SLC24A4: variants seen among roughly 807,000 people sequenced by gnomAD.
SLC24A4 encodes solute carrier family 24 member 4.
SLC24A4 carries 53 observed loss-of-function variants against 79.0 expected under a neutral mutation model. The observed-to-expected ratio is 0.67, with a 90% confidence interval of 0.54 to 0.84. The LOEUF (loss-of-function observed/expected upper bound fraction) is 0.84, where lower values mean the gene tolerates loss of function less well. Among genes scored for constraint, SLC24A4 ranks in the 40% least tolerant of loss-of-function variants. The probability of loss-of-function intolerance (pLI) is 0.00; values close to 1 mark genes in which losing one functional copy is unlikely to be tolerated. For missense variants in SLC24A4, 731 were observed against 822.0 expected (o/e 0.89, Z 1.35); for synonymous variants, 323 against 323.8 (o/e 1.00, Z 0.03).
chr14:92,366,852 C>T (rs183035880), intron 2 of SLC24A4, among the ~76,000 whole-genome samples: 41 of 152,238 alleles, frequency 2.7e-4, no homozygotes, highest in Admixed American at 1.8e-3. Flanking sequence ...GGGGTGATTA[C>T]GTCCATTTCT....
chr14:92,335,292 A>G (rs958394713), intron 2 of SLC24A4, among the ~76,000 whole-genome samples: 1 of 152,070 alleles, frequency 6.6e-6, no homozygotes, highest in African/African-American at 2.4e-5. Flanking sequence ...ACTAATGTCC[A>G]CCTTTTACAT....
chr14:92,333,310 G>T (rs1292362121), intron 2 of SLC24A4, among the ~76,000 whole-genome samples: 1 of 152,036 alleles, frequency 6.6e-6, no homozygotes, highest in East Asian at 1.9e-4. Flanking sequence ...GGCCAGCCTG[G>T]TCTCGAACTC....
intron 16 of SLC24A4, chr14:92,492,938 G>A (rs79685763): frequency 0.17 from 74,287 of 432,518 alleles, 8,027 homozygotes; most frequent in East Asian, 0.31. Flanking sequence ...AGATAATTCC[G>A]TGCTTTAACC....
intron 2 of SLC24A4, among the ~76,000 whole-genome samples, chr14:92,374,799 T>G (rs1888411710): frequency 6.6e-6 from 1 of 152,242 alleles, no homozygotes; most frequent in Non-Finnish European, 1.5e-5. Flanking sequence ...GGGTGCAATA[T>G]TTTGCAATTT....
chr14:92,326,404 A>C (rs12434089), intron 2 of SLC24A4, among the ~76,000 whole-genome samples: 9,816 of 152,154 alleles, frequency 0.065, 396 homozygotes, highest in Middle Eastern at 0.13. Flanking sequence ...TCTCAGCATG[A>C]CCGGGCAGCT....
chr14:92,369,325 T>C (rs1434293581), intron 2 of SLC24A4, among the ~76,000 whole-genome samples: 1 of 152,206 alleles, frequency 6.6e-6, no homozygotes, highest in Admixed American at 6.5e-5. Context: ...AGAATTTGCA[T>C]TATTTATGTA....
At chr14:92,396,571 G>A (rs1462337534) in intron 2 of SLC24A4, among the ~76,000 whole-genome samples, 1 of 152,180 alleles carries the variant, frequency 6.6e-6, no homozygotes, top group East Asian at 1.9e-4. Context: ...TGGAACCTAC[G>A]AATGTGACTT....
Position 92,461,664 on chromosome 14 carries a change from A to G in SLC24A4, c.1255+5056A>G, listed in dbSNP as rs565483792. ...ATTACCTCCTAAAAGCTCTATCTCC[A>G]AATACAGTTACATTGGGGGTTAGGA... is the stretch of plus-strand genomic sequence containing the variant. On this transcript the variant is annotated intron_variant, in intron 12 of 16. Coordinates refer to ENST00000532405, the MANE Select transcript of SLC24A4 (RefSeq NM_153646.4). Among the ~76,000 whole-genome samples the G allele has an allele frequency of 1.2e-4, 18 of 152,290 alleles. No homozygotes were observed. In the East Asian group the frequency reaches 3.5e-3, roughly 29 times the overall value.
rs1161080736 is a variant in SLC24A4, at chr14:92,474,797, A to G, written c.1256-7883A>G. ...TGTGTATATATATGTGTGTGTGTAT[A>G]TATATACATATATACATATATATAC... On this transcript the variant is annotated intron_variant, in intron 12 of 16. Transcript: ENST00000532405. 7.0e-4 allele frequency among the ~76,000 whole-genome samples: 28 copies of G among 40,164 alleles called. No homozygotes were observed. The South Asian group carries it at 7.9e-3, about 11-fold the overall frequency. 26.3% of individuals were successfully genotyped at this position (40,164 alleles called of 152,430 possible).
At chr14:92,429,997 C>T (rs1327874997) in intron 2 of SLC24A4, among the ~76,000 whole-genome samples, 9 of 152,212 alleles carry the variant, frequency 5.9e-5, no homozygotes, top group South Asian at 2.1e-4. Context: ...GTCTCTTGGT[C>T]GTCTGTTTAC....
intron 2 of SLC24A4, among the ~76,000 whole-genome samples, chr14:92,377,660 C>T (rs74072682): frequency 0.04 from 6,121 of 152,134 alleles, 426 homozygotes; most frequent in African/African-American, 0.14. Context: ...TGGAGAGCGA[C>T]AGGGTCAGGG....
intron 4 of SLC24A4, 77 bp from the exon 5 acceptor site, chr14:92,442,012 C>T: frequency 5.9e-6 from 7 of 1,180,336 alleles, no homozygotes; most frequent in Non-Finnish European, 8.8e-6. Flanking sequence ...CCTGCATGCT[C>T]CTTGGCTGTA....
chr14:92,454,927 T>C, intron 11 of SLC24A4, among the ~76,000 whole-genome samples: 1 of 152,204 alleles, frequency 6.6e-6, no homozygotes, highest in Non-Finnish European at 1.5e-5. Context: ...CATGCATTAA[T>C]TGTACCCACT....
At position 92,456,405 on chromosome 14, in the gene SLC24A4, G is replaced by A. The variant is rs751462597; in HGVS notation, c.1052G>A (p.Arg351Gln). ...CCATGTTGCCTCCTGTCCACACAGC[G>A]GCAGAGACTGATCAACTCGGCCAAT... ...RMASRIIINE[R>Q]QRLINSANGV... is the part of the protein sequence containing the mutation. Residue 351 changes from arginine to glutamine, a missense_variant and splice_region_variant, in exon 12 of 17, where the codon CGG becomes CAG. Coordinates refer to ENST00000532405, the MANE Select transcript of SLC24A4 (RefSeq NM_153646.4). 5.7e-5 allele frequency: 92 copies of A among 1,614,198 alleles called. No individual in the cohort carries two copies. Among genetic ancestry groups the A allele is most frequent in the Middle Eastern group, 3.3e-4 (2 of 6,056 alleles).
chr14:92,410,882 C>G (rs1256094204), intron 2 of SLC24A4, among the ~76,000 whole-genome samples: 1 of 152,118 alleles, frequency 6.6e-6, no homozygotes, highest in African/African-American at 2.4e-5. Flanking sequence ...AATAACCAAG[C>G]GTTATTGCAA....
At chr14:92,459,840 G>A (rs544047041) in intron 12 of SLC24A4, among the ~76,000 whole-genome samples, 5 of 152,242 alleles carry the variant, frequency 3.3e-5, no homozygotes, top group Middle Eastern at 3.4e-3. Context: ...CTCCGCCCCC[G>A]ACAGAAATAC....
At chr14:92,386,841 G>A (rs1436193746) in intron 2 of SLC24A4, among the ~76,000 whole-genome samples, 1 of 152,190 alleles carries the variant, frequency 6.6e-6, no homozygotes, top group African/African-American at 2.4e-5. Flanking sequence ...CCTTGAGGCG[G>A]GGTTCATTCT....
At chr14:92,348,256 G>A (rs1417192932) in intron 2 of SLC24A4, among the ~76,000 whole-genome samples, 1 of 152,216 alleles carries the variant, frequency 6.6e-6, no homozygotes, top group African/African-American at 2.4e-5. Context: ...TGGATTGGAT[G>A]AGCGAAGGCA....
chr14:92,331,172 G>A (rs777124703), intron 2 of SLC24A4, among the ~76,000 whole-genome samples: 1 of 152,156 alleles, frequency 6.6e-6, no homozygotes, highest in Non-Finnish European at 1.5e-5. Flanking sequence ...GCTTGTCATC[G>A]CCACCTTCAC....
Sources: allele counts gnomAD v4.1 joint callset (sites outside exome capture counted in the v4.1 genomes callset), GRCh38; gene constraint gnomAD v4.1.1; transcripts MANE v1.5; gene names NCBI Gene and HGNC (gene_info 2026-07-23, HGNC 2026-07-21).